HTR2C: variants seen among roughly 807,000 people sequenced by gnomAD.
HTR2C encodes 5-hydroxytryptamine (serotonin) receptor 2C, G protein-coupled.
In HTR2C, 5 loss-of-function variants were observed where a neutral mutation model predicts 21.0. That is an observed-to-expected ratio of 0.24 (90% CI 0.12 to 0.50). HTR2C has a LOEUF of 0.50. HTR2C is among the 20% of genes least tolerant of loss of function. HTR2C has a pLI of 0.98. For synonymous variants in HTR2C, 150 were observed against 145.3 expected (o/e 1.03, Z -0.23); for missense variants, 271 against 371.2 (o/e 0.73, Z 2.22).
chrX:114,747,035 A>G (rs1378940150), intron 4 of HTR2C, among the ~76,000 whole-genome samples: 1 of 111,288 alleles, frequency 9.0e-6, no homozygotes, highest in African/African-American at 3.3e-5. Flanking sequence ...TTAGCCAGGC[A>G]TGGTGGTGAG....
chrX:114,650,166 T>C (rs1480868265), intron 2 of HTR2C, among the ~76,000 whole-genome samples: 2 of 111,917 alleles, frequency 1.8e-5, no homozygotes, highest in Non-Finnish European at 3.8e-5. Flanking sequence ...CAAAGTACCA[T>C]ATGAATGAAA....
At chrX:114,779,409 A>G (rs1477146438) in intron 4 of HTR2C, among the ~76,000 whole-genome samples, 1 of 27,718 alleles carries the variant, frequency 3.6e-5, no homozygotes, top group African/African-American at 1.2e-4. Context: ...TTACAACCAC[A>G]GAATATGTTT....
chrX:114,840,466 T>A (rs781882823), intron 4 of HTR2C, among the ~76,000 whole-genome samples: 10 of 110,471 alleles, frequency 9.1e-5, no homozygotes, highest in Non-Finnish European at 1.7e-4. Context: ...ATAGAAATCG[T>A]CCGAAATTAA....
chrX:114,589,348 G>A (rs1927534816), intron 1 of HTR2C, among the ~76,000 whole-genome samples: 1 of 111,543 alleles, frequency 9.0e-6, no homozygotes, highest in African/African-American at 3.3e-5. Context: ...GGGAGTTACA[G>A]AGATAATACA....
At chrX:114,784,303 G>A (rs2070151429) in intron 4 of HTR2C, among the ~76,000 whole-genome samples, 1 of 111,442 alleles carries the variant, frequency 9.0e-6, no homozygotes, top group African/African-American at 3.3e-5. Flanking sequence ...ATGATTTTAT[G>A]CCCAAAATTG....
At chrX:114,748,322 T>A (rs5987816) in intron 4 of HTR2C, among the ~76,000 whole-genome samples, 4,332 of 111,905 alleles carry the variant, frequency 0.039, 210 homozygotes, top group African/African-American at 0.13. Context: ...ATCAATATTA[T>A]TAAGATGTCA....
chrX:114,652,531 G>C (rs1314200766), intron 2 of HTR2C: 2 of 292,403 alleles, frequency 6.8e-6, no homozygotes, highest in African/African-American at 5.7e-5. Flanking sequence ...TTTAATACAT[G>C]CTGATTAGAA....
intron 4 of HTR2C, among the ~76,000 whole-genome samples, chrX:114,761,773 TGTCACTTA>T (rs2069869196): frequency 9.3e-6 from 1 of 107,575 alleles, no homozygotes; most frequent in African/African-American, 3.4e-5. Flanking sequence ...TCATGTTATA[TGTCACTTA>T]GAATGCTCCT....
intron 2 of HTR2C, among the ~76,000 whole-genome samples, chrX:114,673,814 A>G (rs1931463233): frequency 8.9e-6 from 1 of 111,891 alleles, no homozygotes; most frequent in Non-Finnish European, 1.9e-5. Context: ...CAATTAAGTG[A>G]TATTTTAAAA....
chrX:114,603,375 G>A (rs1556395543), intron 1 of HTR2C, among the ~76,000 whole-genome samples: 1 of 109,655 alleles, frequency 9.1e-6, no homozygotes, highest in Non-Finnish European at 1.9e-5. Flanking sequence ...AGCAGCAGCA[G>A]CAGCCGCTGC....
At chrX:114,701,454 T>C (rs1932496303) in intron 2 of HTR2C, among the ~76,000 whole-genome samples, 1 of 111,599 alleles carries the variant, frequency 9.0e-6, no homozygotes, top group Non-Finnish European at 1.9e-5. Flanking sequence ...GCAAACAGGG[T>C]CTGGAGTGGA....
intron 1 of HTR2C, among the ~76,000 whole-genome samples, chrX:114,590,288 ATTAC>A (rs1471387287): frequency 8.9e-6 from 1 of 112,146 alleles, no homozygotes; most frequent in Non-Finnish European, 1.9e-5. Flanking sequence ...AACCAAACCA[ATTAC>A]TTCCATTTCT....
chrX:114,904,304 C>G (rs1465392623), intron 5 of HTR2C, among the ~76,000 whole-genome samples: 1 of 111,532 alleles, frequency 9.0e-6, no homozygotes, highest in Admixed American at 9.6e-5. Context: ...ACTCATCATC[C>G]AGCTCCAAGA....
intron 4 of HTR2C, among the ~76,000 whole-genome samples, chrX:114,827,583 TTTCCTTTAGTGTTTTCCTTTAGTG>T (rs1569497612): frequency 1.8e-5 from 2 of 111,414 alleles, no homozygotes; most frequent in Non-Finnish European, 3.8e-5. Flanking sequence ...TTTAGTGTAA[TTTCCTTTAGTGTTTTCCTTTAGTG>T]TAATTTCCTT....
At chrX:114,875,122 G>A (rs1466148002) in intron 5 of HTR2C, among the ~76,000 whole-genome samples, 2 of 111,122 alleles carry the variant, frequency 1.8e-5, no homozygotes, top group Non-Finnish European at 3.8e-5. Context: ...CTCTTGCAGT[G>A]TCCTCACATG....
At chrX:114,629,466 A>G (rs1556403708) in intron 2 of HTR2C, among the ~76,000 whole-genome samples, 1 of 111,981 alleles carries the variant, frequency 8.9e-6, no homozygotes, top group Non-Finnish European at 1.9e-5. Flanking sequence ...TTTGTACATG[A>G]AACTTCCCCA....
At chrX:114,822,481 C>T (rs2070643436) in intron 4 of HTR2C, among the ~76,000 whole-genome samples, 1 of 111,985 alleles carries the variant, frequency 8.9e-6, no homozygotes, top group Non-Finnish European at 1.9e-5. Context: ...GTCCTTATCC[C>T]TTTTCCACCA....
intron 4 of HTR2C, among the ~76,000 whole-genome samples, chrX:114,792,678 C>G (rs113866337): frequency 3.2e-3 from 355 of 111,603 alleles, no homozygotes; most frequent in African/African-American, 0.01. Context: ...GTTCTAGATC[C>G]TTGAGGAATT....
intron 4 of HTR2C, among the ~76,000 whole-genome samples, chrX:114,784,543 G>A (rs2070154536): frequency 9.1e-6 from 1 of 109,557 alleles, no homozygotes; most frequent in South Asian, 3.9e-4. Flanking sequence ...AATCCTTGAC[G>A]GTCCTTGGCT....
Sources: allele counts gnomAD v4.1 joint callset (sites outside exome capture counted in the v4.1 genomes callset), GRCh38; gene constraint gnomAD v4.1.1; transcripts MANE v1.5; gene names NCBI Gene and HGNC (gene_info 2026-07-23, HGNC 2026-07-21).